PHLPP2: variants seen among roughly 807,000 people sequenced by gnomAD.
PHLPP2 encodes the protein PH domain and leucine rich repeat protein phosphatase 2, also known as PH domain leucine-rich repeat-containing protein phosphatase 2.
Under a neutral mutation model 124.9 loss-of-function variants are expected in PHLPP2, and 66 were observed. That is an observed-to-expected ratio of 0.53 (90% CI 0.43 to 0.65). The LOEUF is 0.65. Among genes scored for constraint, PHLPP2 ranks in the 30% least tolerant of loss-of-function variants. The pLI is 0.00. For synonymous variants in PHLPP2, 681 were observed against 624.7 expected (o/e 1.09, Z -1.34); for missense variants, 1,685 against 1,600.4 (o/e 1.05, Z -0.90).
intron 2 of PHLPP2, 21 bp downstream of exon 2, chr16:71,714,491 G>A (rs371428961): frequency 6.4e-7 from 1 of 1,567,128 alleles, no homozygotes; most frequent in Non-Finnish European, 8.6e-7. Flanking sequence ...TAGAATTAGA[G>A]TGGTAAAACT....
At position 71,667,201 on chromosome 16, in the gene PHLPP2, G is replaced by C; in HGVS notation, c.1761C>G (p.Asp587Glu). The C allele has an allele frequency of 6.2e-7, 1 of 1,613,516 alleles. No individual in the cohort carries two copies. Among genetic ancestry groups the C allele is most frequent in the Admixed American group, 1.7e-5 (1 of 59,882 alleles). ...LQHNALTRLP[D>E]TLFSKALNLR... is the part of the protein sequence containing the mutation. ...ACTTTAAGGCCTTGGAGAAGAGGGT[G>C]TCTGGCAGCCTCGTGAGTGCATTAT... The change falls in exon 12 of 19, where the codon GAC (aspartate) becomes GAG (glutamate). Residue 587 changes from aspartate (D) to glutamate (E), a missense_variant. By Grantham distance (45) the Asp-to-Glu change is conservative. Coordinates refer to ENST00000568954, the MANE Select transcript of PHLPP2 (RefSeq NM_015020.3).
At chr16:71,690,438 T>C in intron 4 of PHLPP2, 81 bp downstream of exon 4, 1 of 983,102 alleles carries the variant, frequency 1.0e-6, no homozygotes, top group South Asian at 1.6e-5. Context: ...AAGATATGAC[T>C]AAAAGCTATG....
chr16:71,708,274 A>T (rs1396891472), intron 2 of PHLPP2, among the ~76,000 whole-genome samples: 3 of 152,302 alleles, frequency 2.0e-5, no homozygotes, highest in Non-Finnish European at 4.4e-5. Flanking sequence ...GAAGAACCAC[A>T]AGAGAAGTGA....
chr16:71,694,496 T>C (rs538341316), intron 3 of PHLPP2, among the ~76,000 whole-genome samples: 1 of 151,902 alleles, frequency 6.6e-6, no homozygotes. Flanking sequence ...GACTAAACAG[T>C]GACTAAATAA....
At position 71,679,389 on chromosome 16, in the gene PHLPP2, T is replaced by C; in HGVS notation, c.1037A>G (p.Asn346Ser). The change falls in exon 7 of 19, where the codon AAT (asparagine) becomes AGT (serine). Residue 346 changes from asparagine (N) to serine (S), a missense_variant and splice_region_variant. Physicochemically the swap from Asn to Ser is conservative, Grantham distance 46. Coordinates refer to ENST00000568954, the MANE Select transcript of PHLPP2 (RefSeq NM_015020.3). ...GAGGAATCTAGTAAAAGTTACTTACTTTAGCAGATTGCCAATTTGACTTGG... is the reference window on the plus strand; with the variant it reads ...GAGGAATCTAGTAAAAGTTACTTACCTTAGCAGATTGCCAATTTGACTTGG... ...DLPSQIGNLL[N>S]LQTLCLDGNF... 6.2e-7 allele frequency: 1 copy of C among 1,613,654 alleles called. No individual in the cohort carries two copies.
chr16:71,657,761 A>T (rs749634713), intron 15 of PHLPP2, among the ~76,000 whole-genome samples: 3 of 152,196 alleles, frequency 2.0e-5, no homozygotes, highest in Non-Finnish European at 4.4e-5. Flanking sequence ...AGACTGATGA[A>T]AGTAGTATGC....
Position 71,655,251 on chromosome 16 carries a change from C to A in PHLPP2, c.2574G>T (p.Leu858Phe), listed in dbSNP as rs1416405199. The change falls in exon 17 of 19, where the codon TTG (leucine) becomes TTT (phenylalanine). Residue 858 changes from leucine to phenylalanine, a missense_variant. Transcript: ENST00000568954. ...NDTVFMANTF[L>F]VSHRKLGMAG... ...ACCCACCTGCTTACCTGTGAGATAC[C>A]AAGAAGGTGTTAGCCATGAAAACTG... 1.2e-6 allele frequency: 2 copies of A among 1,610,224 alleles called. No individual in the cohort carries two copies. Among genetic ancestry groups the A allele is most frequent in the East Asian group, 4.5e-5 (2 of 44,846 alleles).
At chr16:71,671,181 A>G (rs928411968) in intron 10 of PHLPP2, among the ~76,000 whole-genome samples, 8 of 152,230 alleles carry the variant, frequency 5.3e-5, no homozygotes, top group Non-Finnish European at 8.8e-5. Context: ...CTGGGAAGAT[A>G]AGCAGGAAGA....
intron 17 of PHLPP2, among the ~76,000 whole-genome samples, chr16:71,654,496 C>T (rs2044725736): frequency 6.6e-6 from 1 of 152,198 alleles, no homozygotes; most frequent in Non-Finnish European, 1.5e-5. Flanking sequence ...ACGATGTTCT[C>T]TCATGATGCT....
chr16:71,651,633 C>T (rs1310295695), intron 18 of PHLPP2, among the ~76,000 whole-genome samples: 1 of 152,156 alleles, frequency 6.6e-6, no homozygotes, highest in Non-Finnish European at 1.5e-5. Flanking sequence ...CCTCATACTT[C>T]CAGAATTCTA....
intron 5 of PHLPP2, among the ~76,000 whole-genome samples, chr16:71,682,476 C>T (rs1334986990): frequency 2.0e-5 from 3 of 151,984 alleles, no homozygotes; most frequent in African/African-American, 7.2e-5. Flanking sequence ...AGTCACAGCA[C>T]CCGGTCGCAA....
At position 71,648,919 on chromosome 16, in the gene PHLPP2, G is replaced by A. The variant is rs756924434; in HGVS notation, c.3943C>T (p.Pro1315Ser). 4.3e-6 allele frequency: 7 copies of A among 1,612,666 alleles called. No homozygotes were observed. In the Admixed American group the frequency reaches 5.0e-5, roughly 12 times the overall value. ...AGTGCTGTGTCGAACTCCTCCGGGG[G>A]CTCGGTCCGATCCTCTTCATGGGGC... ...PEPHEEDRTE[P>S]PEEFDTAL Residue 1315 changes from proline to serine, a missense_variant, in exon 19 of 19, where the codon CCC becomes TCC. Pro to Ser is a moderately conservative substitution (Grantham distance 74, BLOSUM62 -1). Coordinates refer to ENST00000568954, the MANE Select transcript of PHLPP2 (RefSeq NM_015020.3).
rs1418165147 is a variant in PHLPP2, at chr16:71,646,336, C to T, written c.*2554G>A. ...AAAAAAGAATAATCAGTTTTGGTAT[C>T]GCCTATAACAAAGATTTTCAATACA... On this transcript the variant is annotated 3_prime_UTR_variant, in exon 19 of 19. Coordinates refer to ENST00000568954, the MANE Select transcript of PHLPP2 (RefSeq NM_015020.3). 3 of 151,980 alleles carry T rather than the reference C, an allele frequency of 2.0e-5. No individual in the cohort carries two copies. The highest frequency in any genetic ancestry group is 4.8e-5 in the African/African-American group (2 of 41,386). 9.4% of individuals were successfully genotyped at this position (151,980 alleles called of 1,614,324 possible). A position where few individuals can be genotyped will look rare whatever the true frequency, so the allele number is the denominator to read the frequency against.
At chr16:71,650,499 A>G (rs755504863) in intron 18 of PHLPP2, among the ~76,000 whole-genome samples, 43 of 152,254 alleles carry the variant, frequency 2.8e-4, no homozygotes, top group Non-Finnish European at 5.1e-4. Flanking sequence ...TTGGCAGTTA[A>G]GGCATCAAAT....
At chr16:71,657,012 G>C (rs546585551) in intron 15 of PHLPP2, among the ~76,000 whole-genome samples, 1 of 146,612 alleles carries the variant, frequency 6.8e-6, no homozygotes, top group Admixed American at 6.8e-5. Flanking sequence ...GCGCAATCTC[G>C]GCTCACTGCA....
intron 17 of PHLPP2, 107 bp from the exon 18 acceptor site, chr16:71,653,128 G>A: frequency 1.5e-6 from 1 of 672,646 alleles, no homozygotes; most frequent in Admixed American, 2.8e-5. Context: ...TTTACCATGT[G>A]ATCGTGAACC....
chr16:71,723,473 C>T, intron 1 of PHLPP2: 1 of 155,474 alleles, frequency 6.4e-6, no homozygotes, highest in Non-Finnish European at 1.4e-5. Context: ...TCCGGGTGGG[C>T]GGCGGCTACC....
At chr16:71,722,795 T>C (rs537044593) in intron 1 of PHLPP2, among the ~76,000 whole-genome samples, 2 of 152,328 alleles carry the variant, frequency 1.3e-5, no homozygotes, top group East Asian at 3.9e-4. Context: ...AGTTTACGTA[T>C]TTGACCTACA....
chr16:71,669,291 T>C lies in PHLPP2; in HGVS notation c.1612A>G (p.Thr538Ala), dbSNP rs752951362. The C allele has an allele frequency of 6.2e-7, 1 of 1,610,524 alleles. No individual in the cohort carries two copies. Among genetic ancestry groups the C allele is most frequent in the Non-Finnish European group, 8.5e-7 (1 of 1,177,736 alleles). Residue 538 changes from threonine (T) to alanine (A), a missense_variant, in exon 11 of 19, where the codon ACA becomes GCA. Physicochemically the swap from Thr to Ala is moderately conservative, Grantham distance 58. Coordinates refer to ENST00000568954, the MANE Select transcript of PHLPP2 (RefSeq NM_015020.3). ...EVLDVSYNLL[T>A]EVPVRILSSL... ...CACACATACCTCACGGGAACCTCTG[T>C]GAGAAGATTATAGCTCACATCTAAT...
Sources: gnomAD v4.1 joint callset for allele counts (sites outside exome capture counted in the v4.1 genomes callset) on GRCh38, gnomAD v4.1.1 for gene constraint, MANE v1.5 for transcripts, NCBI Gene and HGNC (gene_info 2026-07-23, HGNC 2026-07-21) for gene names.